The following NXN variants were observed in gnomAD, a reference collection of about 807,000 sequenced individuals.
The protein encoded by NXN is nucleoredoxin.
In NXN, 16 loss-of-function variants were observed where a neutral mutation model predicts 48.6. That is an observed-to-expected ratio of 0.33 (90% CI 0.22 to 0.50). NXN has a LOEUF of 0.50. NXN is among the 20% of genes least tolerant of loss of function. NXN has a pLI of 0.98. For missense variants in NXN, 492 were observed against 605.5 expected, an observed-to-expected ratio of 0.81 and a Z score of 1.97; for synonymous variants, 281 against 269.6, an observed-to-expected ratio of 1.04 and a Z score of -0.41.
chr17:811,171 G>A (rs746566551), intron 5 of NXN, among the ~76,000 whole-genome samples: 5 of 152,132 alleles, frequency 3.3e-5, no homozygotes, highest in African/African-American at 4.8e-5. Context: ...CAGAGAAGAG[G>A]ATTCAACGCT....
chr17:939,776 T>C (rs9912012), intron 1 of NXN, among the ~76,000 whole-genome samples: 89,521 of 152,096 alleles, frequency 0.59, 26,706 homozygotes, highest in Middle Eastern at 0.67. Flanking sequence ...GGAACATCCA[T>C]GCTTCTAGCT....
chr17:962,543 C>A (rs2069250207), intron 1 of NXN, among the ~76,000 whole-genome samples: 1 of 152,072 alleles, frequency 6.6e-6, no homozygotes, highest in Non-Finnish European at 1.5e-5. Context: ...AACCCCATCT[C>A]AAAATAAATA....
intron 1 of NXN, among the ~76,000 whole-genome samples, chr17:971,748 A>G (rs1356307762): frequency 6.6e-6 from 1 of 152,216 alleles, no homozygotes; most frequent in African/African-American, 2.4e-5. Context: ...AAAGATTCCA[A>G]ATTCATAGCG....
intron 1 of NXN, among the ~76,000 whole-genome samples, chr17:930,748 C>T (rs1003009465): frequency 2.0e-5 from 3 of 147,830 alleles, no homozygotes; most frequent in Non-Finnish European, 3.0e-5. Flanking sequence ...GGTGGTATAC[C>T]AAGAGGACAA....
rs1486292700 is a variant in NXN at position 956,112 on chromosome 17, A to G, written c.360+23207T>C. Among the ~76,000 whole-genome samples, 2 of 152,172 alleles carry G rather than the reference A, an allele frequency of 1.3e-5. No individual in the cohort carries two copies. Among genetic ancestry groups the G allele is most frequent in the Non-Finnish European group, 1.5e-5 (1 of 68,032 alleles). On this transcript the variant is annotated intron_variant, in intron 1 of 7. Transcript: ENST00000336868. This position sits in a 1 kb window ranked among gnomAD's most constrained non-coding sequence, Gnocchi z 4.1. ...CAATATTTTGAAATAAGGGCATTTA[A>G]TTATGATGACAGCACCAATAAACAC... is the stretch of plus-strand genomic sequence containing the variant.
At chr17:894,016 T>A (rs36193918) in intron 1 of NXN, among the ~76,000 whole-genome samples, 183 of 41,890 alleles carry the variant, frequency 4.4e-3, no homozygotes, top group Non-Finnish European at 7.0e-3. Flanking sequence ...AGAGGAAGCA[T>A]CTCAACTCCC....
chr17:906,347 A>G (rs1036000246), intron 1 of NXN, among the ~76,000 whole-genome samples: 7 of 151,874 alleles, frequency 4.6e-5, no homozygotes, highest in Non-Finnish European at 1.0e-4. Flanking sequence ...ATAAATAAAT[A>G]CCATGTTTTT....
chr17:857,299 C>T (rs904172161), intron 1 of NXN, among the ~76,000 whole-genome samples: 1 of 152,018 alleles, frequency 6.6e-6, no homozygotes, highest in Non-Finnish European at 1.5e-5. Flanking sequence ...CTCGCTCTGT[C>T]GCCCAGGCTG....
intron 1 of NXN, among the ~76,000 whole-genome samples, chr17:863,148 T>A (rs1313818148): frequency 6.6e-6 from 1 of 151,946 alleles, no homozygotes; most frequent in Non-Finnish European, 1.5e-5. Context: ...ATACATGGGT[T>A]TCACATCCTG....
rs117480217 is a variant in NXN at position 962,630 on chromosome 17, G to T, written c.360+16689C>A. On this transcript the variant is annotated intron_variant, in intron 1 of 7. Coordinates refer to ENST00000336868, the MANE Select transcript of NXN (RefSeq NM_022463.5). ...ATAACTTTGGATTTAAGGTGAGGTGGGTTTTTAAAAATACAGCAACCTTCA... is the reference window on the plus strand; with the variant it reads ...ATAACTTTGGATTTAAGGTGAGGTGTGTTTTTAAAAATACAGCAACCTTCA... Among the ~76,000 whole-genome samples, 253 of 152,196 alleles carry T rather than the reference G, an allele frequency of 1.7e-3. 5 individuals are homozygous for T. The East Asian group carries it at 0.034, about 21-fold the overall frequency.
At chr17:940,901 A>C (rs866398611) in intron 1 of NXN, among the ~76,000 whole-genome samples, 188 of 145,512 alleles carry the variant, frequency 1.3e-3, no homozygotes, top group Non-Finnish European at 1.6e-3. Context: ...TCCTGGATTT[A>C]CAGTGAACAA....
At chr17:897,674 T>C (rs7225048) in intron 1 of NXN, among the ~76,000 whole-genome samples, 6,956 of 134,348 alleles carry the variant, frequency 0.052, 399 homozygotes, top group East Asian at 0.26. Context: ...CAGCATTTGT[T>C]TTTCTTTTAT....
chr17:900,913 CTTTTTTT>C (rs11367844), intron 1 of NXN, among the ~76,000 whole-genome samples: 41 of 75,856 alleles, frequency 5.4e-4, no homozygotes, highest in South Asian at 9.5e-4. Flanking sequence ...GATCTGCATT[CTTTTTTT>C]TTTTTTTTTT....
chr17:869,982 G>C (rs1567841546), intron 1 of NXN, among the ~76,000 whole-genome samples: 1 of 152,198 alleles, frequency 6.6e-6, no homozygotes, highest in Non-Finnish European at 1.5e-5. Flanking sequence ...CAACCGGGGG[G>C]TGGTTGTGCT....
At chr17:888,728 G>A (rs1468662889) in intron 1 of NXN, among the ~76,000 whole-genome samples, 2 of 151,874 alleles carry the variant, frequency 1.3e-5, no homozygotes, top group African/African-American at 4.8e-5. Context: ...GCCAGGGCAG[G>A]TGGATCACCT....
intron 1 of NXN, among the ~76,000 whole-genome samples, chr17:882,766 CTT>C (rs949938446): frequency 1.4e-5 from 2 of 144,436 alleles, no homozygotes. Flanking sequence ...CACCCGGCCT[CTT>C]TGTTTTGTTT....
chr17:869,592 C>G (rs1440740876), intron 1 of NXN, among the ~76,000 whole-genome samples: 1 of 152,248 alleles, frequency 6.6e-6, no homozygotes, highest in African/African-American at 2.4e-5. Context: ...TAGAAAGATA[C>G]TGTAAGAATC....
intron 1 of NXN, among the ~76,000 whole-genome samples, chr17:859,361 G>A (rs1032223175): frequency 3.3e-5 from 5 of 152,116 alleles, no homozygotes; most frequent in Non-Finnish European, 2.9e-5. Context: ...CTGAGGTCAC[G>A]GGGAGTTTAG....
chr17:811,234 C>T (rs920331259), intron 5 of NXN, among the ~76,000 whole-genome samples: 3 of 152,228 alleles, frequency 2.0e-5, no homozygotes, highest in African/African-American at 4.8e-5. Flanking sequence ...GCTGCTTCCG[C>T]ATCTGCTCCA....
Sources: allele counts gnomAD v4.1 joint callset (sites outside exome capture counted in the v4.1 genomes callset), GRCh38; gene constraint gnomAD v4.1.1; non-coding constraint Gnocchi (gnomAD v3.1); transcripts MANE v1.5; gene names NCBI Gene and HGNC (gene_info 2026-07-23, HGNC 2026-07-21).